The following SORCS3 variants were observed in gnomAD, a reference collection of about 807,000 sequenced individuals.
SORCS3 encodes the protein VPS10 domain-containing receptor SorCS3.
In SORCS3, 57 loss-of-function variants were observed where a neutral mutation model predicts 146.3. That is an observed-to-expected ratio of 0.39 (90% confidence interval 0.31 to 0.49). The LOEUF is 0.49. SORCS3 is among the 20% of genes least tolerant of loss of function. The pLI, the probability that SORCS3 is intolerant of heterozygous loss-of-function variation, is 0.92. For synonymous variants in SORCS3, 653 were observed against 618.5 expected (o/e 1.06, Z -0.83); for missense variants, 1,341 against 1,575.5 (o/e 0.85, Z 2.52).
At chr10:105,014,888 T>C (rs1398634481) in intron 4 of SORCS3, among the ~76,000 whole-genome samples, 2 of 152,176 alleles carry the variant, frequency 1.3e-5, no homozygotes, top group Non-Finnish European at 2.9e-5. Flanking sequence ...CTAGACACTG[T>C]ATCTGCTGGT....
intron 2 of SORCS3, among the ~76,000 whole-genome samples, chr10:104,875,921 G>A (rs539870340): frequency 2.0e-5 from 3 of 152,204 alleles, no homozygotes; most frequent in South Asian, 2.1e-4. Flanking sequence ...AGACTCACAT[G>A]GCAAAAGGAA....
intron 9 of SORCS3, among the ~76,000 whole-genome samples, chr10:105,155,949 T>G (rs2056204810): frequency 6.6e-6 from 1 of 152,178 alleles, no homozygotes; most frequent in Non-Finnish European, 1.5e-5. Flanking sequence ...TCAGGTTACT[T>G]AAAAAAAGAA....
chr10:104,914,826 G>A (rs1366431996), intron 2 of SORCS3, among the ~76,000 whole-genome samples: 1 of 152,220 alleles, frequency 6.6e-6, no homozygotes, highest in Non-Finnish European at 1.5e-5. Flanking sequence ...AACTGAGATT[G>A]TGGCGGATTT....
At chr10:105,253,042 C>A in intron 23 of SORCS3, 136 bp downstream of exon 23, 1 of 966,624 alleles carries the variant, frequency 1.0e-6, no homozygotes, top group Non-Finnish European at 1.5e-6. Context: ...GAGCAATCAC[C>A]CTTACCCAGA....
chr10:104,888,611 A>G (rs532006894), intron 2 of SORCS3, among the ~76,000 whole-genome samples: 10 of 152,328 alleles, frequency 6.6e-5, no homozygotes, highest in African/African-American at 2.4e-4. Context: ...ATGGCAGGAA[A>G]TTTGTAGATT....
chr10:105,007,353 A>G (rs1041899539), intron 4 of SORCS3, among the ~76,000 whole-genome samples: 8 of 152,176 alleles, frequency 5.3e-5, no homozygotes, highest in African/African-American at 1.9e-4. Flanking sequence ...AATACCAGGC[A>G]GTGGTATTAA....
At chr10:105,138,400 GT>G (rs1014857432) in intron 7 of SORCS3, among the ~76,000 whole-genome samples, 2 of 152,220 alleles carry the variant, frequency 1.3e-5, no homozygotes, top group African/African-American at 4.8e-5. Context: ...GTGGATGGCT[GT>G]CAGATTTGGA....
chr10:105,048,248 G>A (rs573873990), intron 5 of SORCS3, among the ~76,000 whole-genome samples: 16 of 150,492 alleles, frequency 1.1e-4, no homozygotes, highest in African/African-American at 2.2e-4. Flanking sequence ...TGTTTATTGC[G>A]GCACTATTCA....
intron 6 of SORCS3, among the ~76,000 whole-genome samples, chr10:105,099,716 T>C (rs372086928): frequency 1.6e-4 from 25 of 152,318 alleles, no homozygotes; most frequent in African/African-American, 6.0e-4. Context: ...AGGCTGTGGC[T>C]GCCTGCCTGA....
chr10:105,260,485 G>A (rs913845155), intron 25 of SORCS3, among the ~76,000 whole-genome samples: 5 of 152,150 alleles, frequency 3.3e-5, no homozygotes, highest in Admixed American at 6.6e-5. Context: ...TTCACTTTGG[G>A]TTCTTGTAAA....
intron 13 of SORCS3, among the ~76,000 whole-genome samples, chr10:105,175,214 ATTTTTT>A (rs71482448): frequency 0.011 from 1,496 of 134,630 alleles, 24 homozygotes; most frequent in African/African-American, 0.037. Context: ...TGCTTGGCTA[ATTTTTT>A]TTTTTTTTTT....
At chr10:104,841,189 C>G (rs1392426732) in intron 1 of SORCS3, among the ~76,000 whole-genome samples, 1 of 152,128 alleles carries the variant, frequency 6.6e-6, no homozygotes. Flanking sequence ...AATGAGGAAA[C>G]TAGTTATGAA....
chr10:104,695,420 C>T (rs571075086), intron 1 of SORCS3, among the ~76,000 whole-genome samples: 224 of 150,692 alleles, frequency 1.5e-3, no homozygotes, highest in Non-Finnish European at 1.9e-3. Context: ...GGAAGAGGAT[C>T]TAGTATACCA....
At chr10:104,851,419 TA>T (rs1184152018) in intron 2 of SORCS3, among the ~76,000 whole-genome samples, 1 of 152,202 alleles carries the variant, frequency 6.6e-6, no homozygotes, top group Non-Finnish European at 1.5e-5. Context: ...GCCATTTGGA[TA>T]AAAGGTGTGA....
intron 1 of SORCS3, among the ~76,000 whole-genome samples, chr10:104,759,492 A>G (rs1013248383): frequency 6.6e-6 from 1 of 152,216 alleles, no homozygotes; most frequent in Admixed American, 6.5e-5. Flanking sequence ...CTGCCATTCC[A>G]ACAGAACAGG....
chr10:104,944,785 G>A (rs1044003047), intron 3 of SORCS3, among the ~76,000 whole-genome samples: 7 of 152,148 alleles, frequency 4.6e-5, no homozygotes, highest in African/African-American at 1.4e-4. Context: ...TTAGAAAACC[G>A]GCAGTGTCTC....
chr10:105,073,240 G>T (rs2133727791), intron 5 of SORCS3, among the ~76,000 whole-genome samples: 1 of 152,322 alleles, frequency 6.6e-6, no homozygotes, highest in African/African-American at 2.4e-5. Flanking sequence ...CAGGAAGACT[G>T]GGCTTGTGAC....
intron 4 of SORCS3, among the ~76,000 whole-genome samples, chr10:105,026,817 C>T (rs371299665): frequency 7.9e-5 from 12 of 152,010 alleles, no homozygotes; most frequent in East Asian, 3.9e-4. Context: ...ATATATACTG[C>T]GGACTACAAG....
intron 3 of SORCS3, among the ~76,000 whole-genome samples, chr10:104,929,963 G>T (rs956722253): frequency 2.0e-5 from 3 of 152,172 alleles, no homozygotes; most frequent in African/African-American, 7.2e-5. Context: ...ATAAAGGACA[G>T]TGACTGATCC....
Sources: allele counts gnomAD v4.1 joint callset (sites outside exome capture counted in the v4.1 genomes callset), GRCh38; gene constraint gnomAD v4.1.1; transcripts MANE v1.5; gene names NCBI Gene and HGNC (gene_info 2026-07-23, HGNC 2026-07-21).